Variants in RSBN1L observed in about 807,000 individuals in gnomAD.
RSBN1L encodes lysine-specific demethylase RSBN1L.
RSBN1L carries 30 observed loss-of-function variants against 67.7 expected under a neutral mutation model. The observed-to-expected ratio is 0.44, with a 90% confidence interval of 0.33 to 0.60. RSBN1L has a LOEUF of 0.60. RSBN1L is among the 20% of genes least tolerant of loss of function. The pLI is 0.02. For missense variants in RSBN1L, 992 were observed against 1,031.7 expected, an observed-to-expected ratio of 0.96 and a Z score of 0.53; for synonymous variants, 433 against 387.0, an observed-to-expected ratio of 1.12 and a Z score of -1.39.
At chr7:77,730,143 T>C (rs1791255756) in intron 1 of RSBN1L, among the ~76,000 whole-genome samples, 1 of 152,180 alleles carries the variant, frequency 6.6e-6, no homozygotes, top group Non-Finnish European at 1.5e-5. Flanking sequence ...CGTTCTTAGA[T>C]TCCTTTGGCT....
At chr7:77,732,142 T>TA (rs1791279524) in intron 1 of RSBN1L, among the ~76,000 whole-genome samples, 1 of 152,208 alleles carries the variant, frequency 6.6e-6, no homozygotes, top group Admixed American at 6.5e-5. Context: ...GAAGATCAGT[T>TA]ACGAATTTTT....
chr7:77,781,147 G>A lies in RSBN1L; in HGVS notation c.*1979G>A, dbSNP rs983086027. 6.6e-6 allele frequency: 1 copy of A among 152,312 alleles called. No individual in the cohort carries two copies. The highest frequency in any genetic ancestry group is 2.4e-5 in the African/African-American group (1 of 41,578). The allele number at this position is 152,312 out of a possible 1,614,324, so 9.4% of individuals were successfully genotyped here. On this transcript the variant is annotated 3_prime_UTR_variant, in exon 8 of 8. Coordinates refer to ENST00000334955, the MANE Select transcript of RSBN1L (RefSeq NM_198467.3). ...AAAGTTAATTGCAGCAATGATGTCA[G>A]TTTTGGCCCCTAGTTTAATAAAAGG...
intron 1 of RSBN1L, among the ~76,000 whole-genome samples, chr7:77,703,220 T>C (rs1790841682): frequency 6.6e-6 from 1 of 152,210 alleles, no homozygotes; most frequent in Non-Finnish European, 1.5e-5. Context: ...CTGAGGACCA[T>C]ACCTCTTGTT....
intron 1 of RSBN1L, among the ~76,000 whole-genome samples, chr7:77,726,711 G>A (rs181619958): frequency 1.9e-4 from 28 of 150,748 alleles, no homozygotes; most frequent in African/African-American, 6.6e-4. Flanking sequence ...TCGGGTTCAA[G>A]CGATTCTCTT....
intron 1 of RSBN1L, among the ~76,000 whole-genome samples, chr7:77,731,201 T>C (rs924704689): frequency 3.0e-4 from 46 of 152,140 alleles, no homozygotes; most frequent in African/African-American, 1.1e-3. Context: ...TTAAGGTCTT[T>C]AGTGTTTTTT....
chr7:77,696,574 C>A lies in RSBN1L; in HGVS notation c.105C>A (p.Asp35Glu). 6.2e-7 allele frequency: 1 copy of A among 1,614,112 alleles called. No individual in the cohort carries two copies. The highest frequency in any genetic ancestry group is 8.5e-7 in the Non-Finnish European group (1 of 1,180,012). ...GCAAGCTGCAACTCTCCTCCCGGGA[C>A]CCTCCGGGTTCTCTGTCCGCCAAGA... ...PFGKLQLSSR[D>E]PPGSLSAKKV... Residue 35 changes from aspartate to glutamate, a missense_variant, in exon 1 of 8, where the codon GAC (aspartate) becomes GAA (glutamate). Physicochemically the swap from Asp to Glu is conservative, Grantham distance 45. This residue lies in a region of RSBN1L where 575 missense variants were observed against 483.2 expected (regional missense o/e 1.19). Transcript: ENST00000334955.
chr7:77,750,162 A>G, intron 3 of RSBN1L, 98 bp downstream of exon 3: 1 of 679,210 alleles, frequency 1.5e-6, no homozygotes, highest in East Asian at 3.1e-5. Flanking sequence ...ATAAAAAGGT[A>G]AGAATATAAT....
rs775691286 is a variant in RSBN1L at position 77,778,472 on chromosome 7, T to C, written c.1902+26T>C. ...GTATTTTTAATACACTTACTGTCTT[T>C]GGTTTAGTTTTTATTATGAAGAGAG... On this transcript the variant is annotated intron_variant, in intron 7 of 7. Coordinates refer to ENST00000334955, the MANE Select transcript of RSBN1L (RefSeq NM_198467.3). 5 of 1,595,952 alleles carry C rather than the reference T, an allele frequency of 3.1e-6. No individual in the cohort carries two copies. In the Admixed American group the frequency reaches 7.0e-5, roughly 22 times the overall value.
At chr7:77,755,886 CTT>C (rs1211072021) in intron 3 of RSBN1L, among the ~76,000 whole-genome samples, 1 of 152,170 alleles carries the variant, frequency 6.6e-6, no homozygotes, top group Non-Finnish European at 1.5e-5. Context: ...AGAACCTGCT[CTT>C]GTTATGAGAT....
chr7:77,763,002 G>A (rs866584012), intron 3 of RSBN1L, among the ~76,000 whole-genome samples: 7 of 152,150 alleles, frequency 4.6e-5, no homozygotes, highest in African/African-American at 1.7e-4. Context: ...GTACTGTGAT[G>A]TCATAGAATG....
chr7:77,745,291 GA>G lies in RSBN1L; in HGVS notation c.704-4131del, dbSNP rs148738967. 0.011 allele frequency among the ~76,000 whole-genome samples: 1,734 copies of G among 151,826 alleles called. 80 individuals are homozygous for G. In the East Asian group the frequency reaches 0.13, roughly 11 times the overall value. On this transcript the variant is annotated intron_variant, in intron 2 of 7. Transcript: ENST00000334955. ...AAAAAAAAAAAAAGTTGACTGAAAGGAAGATAAGGGAAAAAACTATAAGCCT... is the reference window on the plus strand; with the variant it reads ...AAAAAAAAAAAAAGTTGACTGAAAGGAGATAAGGGAAAAAACTATAAGCCT...
intron 1 of RSBN1L, among the ~76,000 whole-genome samples, chr7:77,731,978 T>G (rs146352159): frequency 7.5e-4 from 114 of 152,334 alleles, no homozygotes; most frequent in African/African-American, 2.6e-3. Context: ...TCCATTGATC[T>G]GTTTGTGTAT....
intron 1 of RSBN1L, among the ~76,000 whole-genome samples, chr7:77,713,189 T>C (rs1366327081): frequency 2.0e-5 from 3 of 152,166 alleles, no homozygotes; most frequent in African/African-American, 7.2e-5. Context: ...AAACTTTGTA[T>C]ATTAGAATAT....
At chr7:77,724,600 A>T (rs1791170190) in intron 1 of RSBN1L, among the ~76,000 whole-genome samples, 1 of 149,886 alleles carries the variant, frequency 6.7e-6, no homozygotes, top group African/African-American at 2.5e-5. Flanking sequence ...TAATTTTTGT[A>T]TTTTTAGTAG....
chr7:77,752,325 A>T (rs1195958942), intron 3 of RSBN1L, among the ~76,000 whole-genome samples: 6 of 152,204 alleles, frequency 3.9e-5, no homozygotes, highest in African/African-American at 1.4e-4. Context: ...AGCTGCAGGG[A>T]CTACTTTTGC....
At chr7:77,756,154 C>T (rs112986492) in intron 3 of RSBN1L, among the ~76,000 whole-genome samples, 10 of 151,374 alleles carry the variant, frequency 6.6e-5, no homozygotes, top group Admixed American at 2.6e-4. Context: ...TTTTTTGAGA[C>T]AGAGTCTAGC....
chr7:77,775,385 A>C (rs1333283355), intron 6 of RSBN1L, among the ~76,000 whole-genome samples: 2 of 152,078 alleles, frequency 1.3e-5, no homozygotes, highest in Non-Finnish European at 2.9e-5. Flanking sequence ...AAATACAAAA[A>C]TTAGCTGGGC....
chr7:77,706,164 C>G (rs1165069599), intron 1 of RSBN1L, among the ~76,000 whole-genome samples: 1 of 151,910 alleles, frequency 6.6e-6, no homozygotes, highest in Admixed American at 6.6e-5. Context: ...GCAACCTCCG[C>G]CCCCCAGGTT....
intron 1 of RSBN1L, among the ~76,000 whole-genome samples, chr7:77,700,005 C>G (rs561861506): frequency 6.6e-6 from 1 of 152,212 alleles, no homozygotes; most frequent in Admixed American, 6.5e-5. Flanking sequence ...CCATGTTGGC[C>G]AGGCTGGTCT....
Sources: gnomAD v4.1 joint callset for allele counts (sites outside exome capture counted in the v4.1 genomes callset) on GRCh38, gnomAD v4.1.1 for gene constraint, gnomAD v4.1.1 regional missense constraint, MANE v1.5 for transcripts, NCBI Gene and HGNC (gene_info 2026-07-23, HGNC 2026-07-21) for gene names.